GRIK3: variants seen among roughly 807,000 people sequenced by gnomAD.
GRIK3 encodes glutamate receptor ionotropic, kainate 3.
A neutral mutation model predicts 102.5 loss-of-function variants in GRIK3; 29 were observed. That is an observed-to-expected ratio of 0.28 (90% CI 0.21 to 0.39). The LOEUF is 0.39. Among genes scored for constraint, GRIK3 ranks in the 10% least tolerant of loss-of-function variants. GRIK3 has a pLI of 1.00. For missense variants in GRIK3, 908 were observed against 1,252.4 expected, an observed-to-expected ratio of 0.73 and a Z score of 4.15; for synonymous variants, 511 against 504.9, an observed-to-expected ratio of 1.01 and a Z score of -0.16.
chr1:36,914,809 G>A (rs753290787), intron 1 of GRIK3, among the ~76,000 whole-genome samples: 1 of 152,192 alleles, frequency 6.6e-6, no homozygotes, highest in Non-Finnish European at 1.5e-5. Context: ...AGCCTTGGAG[G>A]TGTGATTACT....
chr1:36,890,000 C>A (rs1480156502), intron 2 of GRIK3, among the ~76,000 whole-genome samples: 4 of 152,116 alleles, frequency 2.6e-5, no homozygotes, highest in African/African-American at 9.7e-5. Context: ...GGACACTTCA[C>A]TGCACAGGGT....
chr1:36,868,025 C>T (rs1432764164), intron 5 of GRIK3, among the ~76,000 whole-genome samples: 1 of 152,138 alleles, frequency 6.6e-6, no homozygotes, highest in African/African-American at 2.4e-5. Context: ...CACGTTAATG[C>T]CATTGGCCAC....
intron 8 of GRIK3, 107 bp downstream of exon 8, chr1:36,853,508 G>C: frequency 1.4e-6 from 1 of 722,808 alleles, no homozygotes; most frequent in Non-Finnish European, 2.5e-6. Context: ...AGGGGCAGCT[G>C]GACTGTGTCT....
At chr1:36,970,141 T>A (rs183450264) in intron 1 of GRIK3, among the ~76,000 whole-genome samples, 18 of 152,252 alleles carry the variant, frequency 1.2e-4, no homozygotes, top group African/African-American at 4.1e-4. Flanking sequence ...AATAAACACA[T>A]ACAGAGGCAG....
intron 1 of GRIK3, among the ~76,000 whole-genome samples, chr1:36,899,563 A>G (rs931151658): frequency 1.7e-4 from 26 of 152,166 alleles, no homozygotes; most frequent in African/African-American, 6.3e-4. Flanking sequence ...AGAGTTATAG[A>G]GTTTCAGTTT....
chr1:36,970,705 C>T lies in GRIK3; in HGVS notation c.115+63289G>A, dbSNP rs115994934. ...GGTTCCTCTTCCCCAGCCCACTCCA[C>T]TGTACATAGATTACTTGTTCCTCTT... is the stretch of plus-strand genomic sequence containing the variant. On this transcript the variant is annotated intron_variant, in intron 1 of 15. Transcript: ENST00000373091. Among the ~76,000 whole-genome samples, 886 of 152,340 alleles carry T rather than the reference C, an allele frequency of 5.8e-3. 10 individuals are homozygous for T. The highest frequency in any genetic ancestry group is 0.02 in the African/African-American group (851 of 41,568).
At position 36,880,667 on chromosome 1, in the gene GRIK3, G is replaced by T. The variant is rs771026654; in HGVS notation, c.517C>A (p.Arg173=). Residue 173 remains arginine (R), a synonymous_variant, in exon 3 of 16, where the codon CGG becomes AGG. Transcript: ENST00000373091. The surrounding 1 kb of genome is among the most constrained non-coding windows in gnomAD (Gnocchi z 5.4). ...ILDLVQYLKW[R]SATVVYDDST... The stretch of plus-strand genomic sequence containing the variant: ...TCGTCATAGACCACGGTGGCTGACC[G>T]CCACTTGAGGTACTGGACCAGGTCG... 6.2e-7 allele frequency: 1 copy of T among 1,614,122 alleles called. No individual in the cohort carries two copies. Among genetic ancestry groups the T allele is most frequent in the Admixed American group, 1.7e-5 (1 of 60,010 alleles).
In GRIK3 at chr1:36,892,517, A is replaced by C. The variant is rs575609567; in HGVS notation, c.116-1421T>G. Reference sequence around the variant, plus strand: ...AAAAAAATTAAAAATGACCAGCACAAAAAAAAAAAACACCTTTAATGAGAG... The same window carrying C: ...AAAAAAATTAAAAATGACCAGCACACAAAAAAAAAACACCTTTAATGAGAG... On this transcript the variant is annotated intron_variant, in intron 1 of 15. Coordinates refer to ENST00000373091, the MANE Select transcript of GRIK3 (RefSeq NM_000831.4). Among the ~76,000 whole-genome samples the C allele has an allele frequency of 2.6e-5, 4 of 151,126 alleles. No individual in the cohort carries two copies. The South Asian group carries it at 6.3e-4, about 24-fold the overall frequency.
intron 2 of GRIK3, among the ~76,000 whole-genome samples, chr1:36,883,732 C>T (rs1641008801): frequency 6.6e-6 from 1 of 151,736 alleles, no homozygotes; most frequent in African/African-American, 2.4e-5. Flanking sequence ...AAAGCACAGG[C>T]CCTGGGAAAG....
chr1:36,825,100 C>G (rs1642741137), intron 11 of GRIK3, among the ~76,000 whole-genome samples: 1 of 152,144 alleles, frequency 6.6e-6, no homozygotes, highest in African/African-American at 2.4e-5. Context: ...ATGTTGCTAG[C>G]AGGGAGCCCA....
At chr1:36,849,814 G>GTGTAGATATCGGTGGTC in intron 9 of GRIK3, 1 of 155,994 alleles carries the variant, frequency 6.4e-6, no homozygotes, top group Non-Finnish European at 1.4e-5. Flanking sequence ...GAGAGAAGAT[G>GTGTAGATATCGGTGGTC]GGGTGTGATT....
At chr1:36,882,063 T>A (rs1174522697) in intron 2 of GRIK3, among the ~76,000 whole-genome samples, 2 of 152,134 alleles carry the variant, frequency 1.3e-5, no homozygotes, top group African/African-American at 4.8e-5. Context: ...GCACAATTTA[T>A]AATCACAATC....
At chr1:36,811,879 A>G (rs1642566841) in intron 13 of GRIK3, among the ~76,000 whole-genome samples, 2 of 152,194 alleles carry the variant, frequency 1.3e-5, no homozygotes, top group Non-Finnish European at 2.9e-5. Context: ...TGTACAGGGG[A>G]GCAAATGGAA....
chr1:36,974,814 A>AAC (rs1427932872), intron 1 of GRIK3, among the ~76,000 whole-genome samples: 23 of 150,564 alleles, frequency 1.5e-4, no homozygotes, highest in African/African-American at 5.1e-4. Flanking sequence ...AAAAAAAAAC[A>AAC]AAAAAAAAGG....
chr1:36,929,563 T>C (rs979944339), intron 1 of GRIK3, among the ~76,000 whole-genome samples: 2 of 152,166 alleles, frequency 1.3e-5, no homozygotes, highest in African/African-American at 4.8e-5. Flanking sequence ...TGAGAAACCC[T>C]GGGTTAAACA....
intron 1 of GRIK3, among the ~76,000 whole-genome samples, chr1:36,954,264 T>C (rs1189405507): frequency 6.6e-6 from 1 of 152,174 alleles, no homozygotes; most frequent in Non-Finnish European, 1.5e-5. Context: ...ATCTTGCCAC[T>C]GCACTAGCCT....
At chr1:36,988,305 A>G (rs1644032782) in intron 1 of GRIK3, among the ~76,000 whole-genome samples, 1 of 152,202 alleles carries the variant, frequency 6.6e-6, no homozygotes, top group South Asian at 2.1e-4. Context: ...AAGAAAAGAA[A>G]ACCTGAGCCT....
intron 1 of GRIK3, among the ~76,000 whole-genome samples, chr1:36,933,561 T>C (rs1326143424): frequency 6.6e-6 from 1 of 152,242 alleles, no homozygotes. Flanking sequence ...TTTGTTTTCC[T>C]GTGGTTTACC....
intron 1 of GRIK3, among the ~76,000 whole-genome samples, chr1:36,924,755 C>T (rs751072442): frequency 6.6e-6 from 1 of 152,144 alleles, no homozygotes; most frequent in African/African-American, 2.4e-5. Context: ...AACTGTGCTC[C>T]CCAGGGCCCA....
Sources: allele counts gnomAD v4.1 joint callset (sites outside exome capture counted in the v4.1 genomes callset), GRCh38; gene constraint gnomAD v4.1.1; non-coding constraint Gnocchi (gnomAD v3.1); transcripts MANE v1.5; gene names NCBI Gene and HGNC (gene_info 2026-07-23, HGNC 2026-07-21).